Variants in HPN observed in about 807,000 individuals in gnomAD.
The protein encoded by HPN is hepsin.
Under a neutral mutation model 55.9 loss-of-function variants are expected in HPN, and 13 were observed. The observed-to-expected ratio is 0.23, with a 90% confidence interval of 0.15 to 0.37. HPN has a LOEUF of 0.37. Ranked by LOEUF, HPN falls within the 10% of genes least tolerant of loss-of-function variation. HPN has a pLI of 1.00. For missense variants in HPN, 451 were observed against 575.8 expected, an observed-to-expected ratio of 0.78 and a Z score of 2.22; for synonymous variants, 225 against 240.3, an observed-to-expected ratio of 0.94 and a Z score of 0.59.
upstream of HPN, chr19:35,041,688 T>TCCCCCCCCCCCCCCCCCCCCCCCCCCCCC: frequency 1.6e-6 from 1 of 638,114 alleles, no homozygotes; most frequent in Non-Finnish European, 2.0e-6. Flanking sequence ...CCCCGCCCCT[T>TCCCCCCCCCCCCCCCCCCCCCCCCCCCCC]CACCCGCCCC....
At chr19:35,065,156 A>G in intron 9 of HPN, 94 bp from the exon 10 acceptor site, 1 of 739,564 alleles carries the variant, frequency 1.4e-6, no homozygotes, top group Non-Finnish European at 2.3e-6. Flanking sequence ...CAGAGAGGGC[A>G]GGGTGTGTTA....
chr19:35,052,247 G>A (rs1317181348), intron 4 of HPN, among the ~76,000 whole-genome samples: 1 of 152,092 alleles, frequency 6.6e-6, no homozygotes, highest in African/African-American at 2.4e-5. Flanking sequence ...TAGTACTTGG[G>A]CGGGGTGCGG....
At position 35,060,798 on chromosome 19, in the gene HPN, C is replaced by T; in HGVS notation, c.792C>T (p.Ser264=). 3 of 1,590,258 alleles carry T rather than the reference C, an allele frequency of 1.9e-6. No individual in the cohort carries two copies. The highest frequency in any genetic ancestry group is 2.6e-6 in the Non-Finnish European group (3 of 1,167,068). Residue 264 remains serine, a synonymous_variant, in exon 9 of 13, where the codon TCC becomes TCT. Coordinates refer to ENST00000672452, the MANE Select transcript of HPN (RefSeq NM_001384133.1). The part of the protein sequence containing the change: ...NSNDIALVHL[S]SPLPLTEYIQ... Reference sequence around the variant, plus strand: ...ACGATATTGCCCTGGTCCACCTCTCCAGTCCCCTGCCCCTCACAGGTAAGT... The same window carrying T: ...ACGATATTGCCCTGGTCCACCTCTCTAGTCCCCTGCCCCTCACAGGTAAGT...
Position 35,049,325 on chromosome 19 carries a change from G to T in HPN, c.52G>T (p.Val18Leu). ...RTVPCCSRPK[V>L]AALTAGTLLL... ...TGTGCCATGCTGCTCCAGACCCAAG[G>T]TGGCAGCTCTCACTGCGGGGACCCT... Residue 18 changes from valine to leucine, a missense_variant, in exon 3 of 13, where the codon GTG becomes TTG. Around this residue, in one of 2 missense-constraint regions of HPN, gnomAD observed 378 missense variants for 445.5 expected, o/e 0.85. Coordinates refer to ENST00000672452, the MANE Select transcript of HPN (RefSeq NM_001384133.1). 6.3e-7 allele frequency: 1 copy of T among 1,593,064 alleles called. No individual in the cohort carries two copies. The highest frequency in any genetic ancestry group is 8.6e-7 in the Non-Finnish European group (1 of 1,167,808).
At chr19:35,064,078 A>G (rs1449151607) in intron 9 of HPN, among the ~76,000 whole-genome samples, 1 of 152,158 alleles carries the variant, frequency 6.6e-6, no homozygotes, top group Non-Finnish European at 1.5e-5. Flanking sequence ...TCTCACTACA[A>G]CTTCTGGGGA....
intron 4 of HPN, among the ~76,000 whole-genome samples, chr19:35,053,452 C>T (rs1437624310): frequency 2.0e-5 from 3 of 151,834 alleles, no homozygotes; most frequent in African/African-American, 4.8e-5. Context: ...AGCAGGAGAC[C>T]GTAATTAAGG....
At position 35,065,553 on chromosome 19, in the gene HPN, G is replaced by T. The variant is rs1461452097; in HGVS notation, c.922G>T (p.Val308Leu). Reference sequence around the variant, plus strand: ...CACACCCCCAGGCCAACAGGCCGGGGTACTCCAGGAGGCTCGAGTCCCCAT... The same window carrying T: ...CACACCCCCAGGCCAACAGGCCGGGTTACTCCAGGAGGCTCGAGTCCCCAT... ...NTQYYGQQAG[V>L]LQEARVPIIS... The change falls in exon 11 of 13, where the codon GTA becomes TTA. Residue 308 changes from valine to leucine, a missense_variant. By Grantham distance (32) the Val-to-Leu change is conservative. Around this residue, in one of 2 missense-constraint regions of HPN, gnomAD observed 378 missense variants for 445.5 expected, o/e 0.85. Transcript: ENST00000672452. 3 of 1,614,066 alleles carry T rather than the reference G, an allele frequency of 1.9e-6. No individual in the cohort carries two copies. The highest frequency in any genetic ancestry group is 2.2e-5 in the South Asian group (2 of 91,088).
chr19:35,049,589 G>A lies in HPN; in HGVS notation c.160+73G>A, dbSNP rs8109139. On this transcript the variant is annotated intron_variant, in intron 4 of 12. Transcript: ENST00000672452. ...TGTATCTGGCGGGAGCTCAACAAGC[G>A]TATTTGTTGAATAAATGCACAAATG... 3.5e-3 allele frequency: 4,668 copies of A among 1,329,278 alleles called. 112 individuals are homozygous for A. The African/African-American group carries it at 0.057, about 16-fold the overall frequency. The allele number at this position is 1,329,278 out of a possible 1,614,324, so 82.3% of individuals were successfully genotyped here. A position where few individuals can be genotyped will look rare whatever the true frequency, so the allele number is the denominator to read the frequency against.
intron 2 of HPN, among the ~76,000 whole-genome samples, chr19:35,047,263 G>T (rs1251061441): frequency 6.6e-6 from 1 of 152,236 alleles, no homozygotes; most frequent in Admixed American, 6.5e-5. Flanking sequence ...TGGCCATCTC[G>T]ATGGCCTCTC....
chr19:35,058,119 C>T lies in HPN; in HGVS notation c.161-1554C>T, dbSNP rs1322602894. ...AGTGAGCTGAGATTGCACCACTGCA[C>T]ACCAGCCTGGACAACAGAGTGAGAC... On this transcript the variant is annotated intron_variant, in intron 4 of 12. Transcript: ENST00000672452. 3.3e-5 allele frequency among the ~76,000 whole-genome samples: 5 copies of T among 151,502 alleles called. No homozygotes were observed. The East Asian group carries it at 7.8e-4, about 24-fold the overall frequency.
chr19:35,059,665 C>A lies in HPN; in HGVS notation c.161-8C>A. 1.3e-6 allele frequency: 2 copies of A among 1,591,378 alleles called. No homozygotes were observed. Among genetic ancestry groups the A allele is most frequent in the Non-Finnish European group, 1.7e-6 (2 of 1,169,708 alleles). On this transcript the variant is annotated splice_region_variant and splice_polypyrimidine_tract_variant and intron_variant, in intron 4 of 12. Transcript: ENST00000672452. Reference sequence around the variant, plus strand: ...ACCCAGGCGGCCCCGGGCCCTGTCGCCCTGCAGTGCAGGTCAGCTCTGCGG... The same window carrying A: ...ACCCAGGCGGCCCCGGGCCCTGTCGACCTGCAGTGCAGGTCAGCTCTGCGG...
At position 35,065,890 on chromosome 19, in the gene HPN, T is replaced by A; in HGVS notation, c.1073T>A (p.Val358Glu). 6.2e-7 allele frequency: 1 copy of A among 1,614,108 alleles called. No homozygotes were observed. Among genetic ancestry groups the A allele is most frequent in the Non-Finnish European group, 8.5e-7 (1 of 1,180,032 alleles). ...ACQGDSGGPF[V>E]CEDSISRTPR... ...CAGGGCGACAGCGGTGGTCCCTTTG[T>A]GTGTGAGGACAGCATCTCTCGGACG... is the stretch of plus-strand genomic sequence containing the variant. The change falls in exon 12 of 13, where the codon GTG (valine) becomes GAG (glutamate). Residue 358 changes from valine to glutamate, a missense_variant. Physicochemically the swap from Val to Glu is moderately radical, Grantham distance 121 (BLOSUM62 -2). Transcript: ENST00000672452.
chr19:35,057,094 G>A (rs909659552), intron 4 of HPN, among the ~76,000 whole-genome samples: 2 of 152,176 alleles, frequency 1.3e-5, no homozygotes, highest in Admixed American at 6.5e-5. Context: ...AGTCACAGAG[G>A]TTCTTCAAAC....
chr19:35,048,262 C>T (rs771107447), intron 2 of HPN, among the ~76,000 whole-genome samples: 2 of 152,200 alleles, frequency 1.3e-5, no homozygotes, highest in African/African-American at 4.8e-5. Context: ...GGGGACCTGG[C>T]ATCAAACCTG....
chr19:35,065,130 T>G (rs1600399557), intron 9 of HPN, 120 bp from the exon 10 acceptor site: 2 of 544,040 alleles, frequency 3.7e-6, no homozygotes, highest in Non-Finnish European at 6.2e-6. Context: ...CCTATTGTGG[T>G]TTTTTTTTTA....
rs770594847 is a variant in HPN at position 35,065,569 on chromosome 19, G to C, written c.938G>C (p.Arg313Pro). The stretch of plus-strand genomic sequence containing the variant: ...CAGGCCGGGGTACTCCAGGAGGCTC[G>C]AGTCCCCATAATCAGCAATGATGTC... ...GQQAGVLQEA[R>P]VPIISNDVCN... The change falls in exon 11 of 13, where the codon CGA becomes CCA. Residue 313 changes from arginine (R) to proline (P), a missense_variant. Around this residue, in one of 2 missense-constraint regions of HPN, gnomAD observed 378 missense variants for 445.5 expected, o/e 0.85. Transcript: ENST00000672452. The C allele has an allele frequency of 6.2e-7, 1 of 1,614,122 alleles. No individual in the cohort carries two copies.
rs781545930 is a variant in HPN at position 35,049,457 on chromosome 19, C to T, written c.119-18C>T. 2 of 1,612,914 alleles carry T rather than the reference C, an allele frequency of 1.2e-6. No individual in the cohort carries two copies. The highest frequency in any genetic ancestry group is 1.7e-5 in the Admixed American group (1 of 59,858). On this transcript the variant is annotated intron_variant, in intron 3 of 12. Transcript: ENST00000672452. ...GCAGCCTCCAGCCTGCCTGCCCTCA[C>T]CCCTCCCTTCTCTGCAGTGGCTGTT...
At chr19:35,041,141 C>G (rs544238229), upstream of HPN, among the ~76,000 whole-genome samples, 63 of 152,338 alleles carry the variant, frequency 4.1e-4, no homozygotes, top group African/African-American at 1.4e-3. Flanking sequence ...GCCAAGCCCC[C>G]CATCCCCCCT....
chr19:35,054,366 C>T (rs1337180901), intron 4 of HPN, among the ~76,000 whole-genome samples: 1 of 148,720 alleles, frequency 6.7e-6, no homozygotes, highest in Non-Finnish European at 1.5e-5. Flanking sequence ...TGCAGTGAGC[C>T]GAGATCATGC....
Sources: gnomAD v4.1 joint callset for allele counts (sites outside exome capture counted in the v4.1 genomes callset) on GRCh38, gnomAD v4.1.1 for gene constraint, gnomAD v4.1.1 regional missense constraint, MANE v1.5 for transcripts, NCBI Gene and HGNC (gene_info 2026-07-23, HGNC 2026-07-21) for gene names.